MIPOL1: variants seen among roughly 807,000 people sequenced by gnomAD.
MIPOL1 encodes mirror-image polydactyly gene 1 protein.
MIPOL1 carries 57 observed loss-of-function variants against 60.9 expected under a neutral mutation model. That is an observed-to-expected ratio of 0.94 (90% CI 0.76 to 1.17). MIPOL1 has a LOEUF of 1.17. Ranked by LOEUF, MIPOL1 falls within the 50% of genes most tolerant of loss-of-function variation. The pLI is 0.00. For synonymous variants in MIPOL1, 179 were observed against 168.8 expected, an observed-to-expected ratio of 1.06 and a Z score of -0.47; for missense variants, 551 against 511.6, an observed-to-expected ratio of 1.08 and a Z score of -0.74.
intron 3 of MIPOL1, among the ~76,000 whole-genome samples, chr14:37,250,841 A>G (rs1047764433): frequency 6.6e-5 from 10 of 152,284 alleles, no homozygotes; most frequent in African/African-American, 2.4e-4. Context: ...TACAAATTTC[A>G]TTTTAAAGAG....
chr14:37,418,183 A>G (rs1744614637), intron 10 of MIPOL1, among the ~76,000 whole-genome samples: 1 of 152,220 alleles, frequency 6.6e-6, no homozygotes, highest in African/African-American at 2.4e-5. Flanking sequence ...TAACTATTAA[A>G]AACACATTTA....
intron 7 of MIPOL1, among the ~76,000 whole-genome samples, chr14:37,296,504 A>G (rs1412879575): frequency 6.6e-6 from 1 of 152,238 alleles, no homozygotes; most frequent in Non-Finnish European, 1.5e-5. Context: ...CAAAAAATCA[A>G]TGAATCCAGA....
intron 1 of MIPOL1, among the ~76,000 whole-genome samples, chr14:37,208,072 C>T (rs1418786991): frequency 1.3e-5 from 2 of 152,098 alleles, no homozygotes; most frequent in African/African-American, 4.8e-5. Flanking sequence ...GCATGAGCAT[C>T]TCTGATTCAG....
In MIPOL1 at chr14:37,295,716, C is replaced by T. The variant is rs185635615; in HGVS notation, c.623+10269C>T. Among the ~76,000 whole-genome samples the T allele has an allele frequency of 2.9e-3, 447 of 152,212 alleles. 2 individuals carry two copies. Among genetic ancestry groups the T allele is most frequent in the Non-Finnish European group, 4.8e-3 (329 of 68,012 alleles). Reference sequence around the variant, plus strand: ...TCAAAAGAGACAAAGAAGGCCATTGCATAATGGTAAAGGGATCAGTTCAAC... The same window carrying T: ...TCAAAAGAGACAAAGAAGGCCATTGTATAATGGTAAAGGGATCAGTTCAAC... On this transcript the variant is annotated intron_variant, in intron 7 of 12. Coordinates refer to ENST00000684589, the MANE Select transcript of MIPOL1 (RefSeq NM_001388067.1).
At chr14:37,537,182 A>G (rs1237764040) in intron 12 of MIPOL1, among the ~76,000 whole-genome samples, 1 of 152,166 alleles carries the variant, frequency 6.6e-6, no homozygotes, top group African/African-American at 2.4e-5. Context: ...GCCTTTTAAA[A>G]TGCATTCTTT....
At chr14:37,420,207 A>G (rs1566570706) in intron 10 of MIPOL1, among the ~76,000 whole-genome samples, 2 of 152,254 alleles carry the variant, frequency 1.3e-5, no homozygotes, top group South Asian at 4.1e-4. Context: ...TGTACAGACT[A>G]TCTCTGGAAG....
At chr14:37,444,989 G>C (rs1025787641) in intron 11 of MIPOL1, among the ~76,000 whole-genome samples, 1 of 152,050 alleles carries the variant, frequency 6.6e-6, no homozygotes, top group Middle Eastern at 3.2e-3. Flanking sequence ...GGCAAAAACT[G>C]GAAGCATTCC....
At chr14:37,541,768 G>A (rs1194768542) in intron 12 of MIPOL1, among the ~76,000 whole-genome samples, 3 of 151,998 alleles carry the variant, frequency 2.0e-5, no homozygotes, top group African/African-American at 7.3e-5. Flanking sequence ...TTCTACCTCC[G>A]TTCTTTTAGT....
At chr14:37,289,313 C>T (rs1415268228) in intron 7 of MIPOL1, among the ~76,000 whole-genome samples, 3 of 152,174 alleles carry the variant, frequency 2.0e-5, no homozygotes, top group African/African-American at 7.2e-5. Context: ...GCTGAGTGTC[C>T]TCCAATTAAA....
At chr14:37,323,998 C>T (rs1036943240) in intron 9 of MIPOL1, among the ~76,000 whole-genome samples, 2 of 151,962 alleles carry the variant, frequency 1.3e-5, no homozygotes, top group African/African-American at 2.4e-5. Context: ...CAGTTTTTAT[C>T]TATTATGATT....
In MIPOL1 at chr14:37,308,053, T is replaced by C. The variant is rs1196079210; in HGVS notation, c.624-3T>C. 1.2e-6 allele frequency: 2 copies of C among 1,609,932 alleles called. No homozygotes were observed. Among genetic ancestry groups the C allele is most frequent in the African/African-American group, 1.3e-5 (1 of 74,690 alleles). ...TCAGGCTTTCTGTGTCCCTTTTTTC[T>C]AGGCTAGAAAATATTAACCCTGAAG... On this transcript the variant is annotated splice_region_variant and splice_polypyrimidine_tract_variant and intron_variant, in intron 7 of 12. Coordinates refer to ENST00000684589, the MANE Select transcript of MIPOL1 (RefSeq NM_001388067.1).
intron 11 of MIPOL1, among the ~76,000 whole-genome samples, chr14:37,461,897 G>A (rs1367306436): frequency 2.0e-5 from 3 of 152,160 alleles, no homozygotes; most frequent in Non-Finnish European, 4.4e-5. Context: ...TCATGGGCTG[G>A]TGTTGAGTGT....
At chr14:37,433,439 C>G (rs2094109665) in intron 11 of MIPOL1, among the ~76,000 whole-genome samples, 1 of 152,056 alleles carries the variant, frequency 6.6e-6, no homozygotes, top group African/African-American at 2.4e-5. Flanking sequence ...TCTCATTGTT[C>G]AACTTCCGCT....
At chr14:37,297,794 G>T (rs146386065) in intron 7 of MIPOL1, among the ~76,000 whole-genome samples, 146,290 of 148,504 alleles carry the variant, frequency 0.99, 72,072 homozygotes, top group Middle Eastern at 1. Flanking sequence ...CACTGCTCAA[G>T]GAAATAAAAG....
At chr14:37,516,502 T>A (rs1401615952) in intron 12 of MIPOL1, among the ~76,000 whole-genome samples, 3 of 152,208 alleles carry the variant, frequency 2.0e-5, no homozygotes, top group Non-Finnish European at 2.9e-5. Flanking sequence ...ATGTTGCCAT[T>A]CTCAAGGATG....
chr14:37,316,969 C>A (rs2153442079), intron 9 of MIPOL1, among the ~76,000 whole-genome samples: 1 of 151,978 alleles, frequency 6.6e-6, no homozygotes, highest in South Asian at 2.1e-4. Context: ...CAGAGCAAGA[C>A]TCCATCTAAA....
At chr14:37,523,697 A>G in intron 12 of MIPOL1, 2 of 336,716 alleles carry the variant, frequency 5.9e-6, no homozygotes, top group Non-Finnish European at 1.1e-5. Context: ...TTAGGCACTG[A>G]TGAACAAACT....
chr14:37,271,924 C>G (rs2083326618), intron 6 of MIPOL1, among the ~76,000 whole-genome samples: 1 of 151,398 alleles, frequency 6.6e-6, no homozygotes, highest in South Asian at 2.1e-4. Context: ...GAGGGGAAAC[C>G]TAATTAAGCA....
chr14:37,362,337 T>C (rs2092301342), intron 9 of MIPOL1, among the ~76,000 whole-genome samples: 2 of 152,214 alleles, frequency 1.3e-5, no homozygotes, highest in African/African-American at 4.8e-5. Context: ...TTTGGTTGTC[T>C]GTAAAGGATT....
Sources: gnomAD v4.1 joint callset for allele counts (sites outside exome capture counted in the v4.1 genomes callset) on GRCh38, gnomAD v4.1.1 for gene constraint, MANE v1.5 for transcripts, NCBI Gene and HGNC (gene_info 2026-07-23, HGNC 2026-07-21) for gene names.